MRTFB: variants seen among roughly 807,000 people sequenced by gnomAD.
The protein encoded by MRTFB is myocardin related transcription factor B.
A neutral mutation model predicts 104.2 loss-of-function variants in MRTFB; 29 were observed. The observed-to-expected ratio is 0.28, with a 90% CI of 0.21 to 0.38. The LOEUF (loss-of-function observed/expected upper bound fraction) is 0.38, where lower values mean the gene tolerates loss of function less well. Among genes scored for constraint, MRTFB ranks in the 10% least tolerant of loss-of-function variants. The pLI is 1.00. For missense variants in MRTFB, 1,270 were observed against 1,341.6 expected (o/e 0.95, Z 0.83); for synonymous variants, 535 against 519.5 (o/e 1.03, Z -0.41).
chr16:13,995,861 C>T, the MRTFB span, among the ~76,000 whole-genome samples: 1 of 152,138 alleles, frequency 6.6e-6, no homozygotes, highest in Non-Finnish European at 1.5e-5. Flanking sequence ...TCCCTCCAGA[C>T]CCCTCCCTCC....
chr16:14,081,527 C>A (rs1204577728), intron 2 of MRTFB, among the ~76,000 whole-genome samples: 1 of 152,128 alleles, frequency 6.6e-6, no homozygotes, highest in East Asian at 1.9e-4. Flanking sequence ...TCCTGACCTC[C>A]GATGATCCAC....
At chr16:14,038,472 C>T in the MRTFB span, among the ~76,000 whole-genome samples, 1 of 152,140 alleles carries the variant, frequency 6.6e-6, no homozygotes, top group African/African-American at 2.4e-5. Context: ...ATATCAAACA[C>T]AGAAACAGGT....
chr16:14,140,599 G>A lies in MRTFB; in HGVS notation c.-8G>A. The stretch of plus-strand genomic sequence containing the variant: ...CTTACACTCCCTGTTGCCAGTGGCT[G>A]GAACACAATGGATCACACAGGGGCG... On this transcript the variant is annotated 5_prime_UTR_variant, in exon 3 of 17. Coordinates refer to ENST00000571589, the MANE Select transcript of MRTFB (RefSeq NM_001308142.2). 1.9e-6 allele frequency: 3 copies of A among 1,614,062 alleles called. No individual in the cohort carries two copies. Among genetic ancestry groups the A allele is most frequent in the African/African-American group, 2.7e-5 (2 of 75,030 alleles).
chr16:14,162,564 A>G (rs548908438), intron 3 of MRTFB, among the ~76,000 whole-genome samples: 13 of 152,202 alleles, frequency 8.5e-5, no homozygotes, highest in Non-Finnish European at 1.6e-4. Flanking sequence ...AACATACTAC[A>G]ACTACTTGCA....
chr16:13,995,129 T>C, the MRTFB span, among the ~76,000 whole-genome samples: 1 of 152,188 alleles, frequency 6.6e-6, no homozygotes, highest in Non-Finnish European at 1.5e-5. Flanking sequence ...CAGCCCTTCG[T>C]TGGTTGATCT....
chr16:14,212,841 G>T (rs2041253508), intron 5 of MRTFB, among the ~76,000 whole-genome samples: 1 of 152,122 alleles, frequency 6.6e-6, no homozygotes, highest in African/African-American at 2.4e-5. Context: ...GGGGAAGATG[G>T]CTAAATCAGA....
At chr16:14,258,355 A>G (rs776701541) in intron 16 of MRTFB, among the ~76,000 whole-genome samples, 194 bp downstream of exon 16, 14 of 152,178 alleles carry the variant, frequency 9.2e-5, no homozygotes, top group Non-Finnish European at 1.6e-4. Flanking sequence ...GCTCACGTCT[A>G]TGATCCCAGC....
chr16:14,071,865 A>C (rs2033722158), intron 1 of MRTFB, among the ~76,000 whole-genome samples: 1 of 152,116 alleles, frequency 6.6e-6, no homozygotes, highest in Admixed American at 6.5e-5. Context: ...ACCAGGCTTC[A>C]GAGGGGGTGT....
chr16:14,075,022 G>C (rs2033951838), intron 1 of MRTFB, among the ~76,000 whole-genome samples: 1 of 152,092 alleles, frequency 6.6e-6, no homozygotes. Context: ...TGTGTTTTTT[G>C]TTTGTTTCCA....
intron 2 of MRTFB, among the ~76,000 whole-genome samples, chr16:14,102,394 A>T (rs2035751429): frequency 6.6e-6 from 1 of 152,060 alleles, no homozygotes; most frequent in Non-Finnish European, 1.5e-5. Flanking sequence ...TGATAATGAT[A>T]CCTTTCTTCC....
intron 1 of MRTFB, among the ~76,000 whole-genome samples, chr16:14,078,248 C>T (rs1345442334): frequency 2.0e-5 from 3 of 152,192 alleles, no homozygotes; most frequent in African/African-American, 7.2e-5. Context: ...TCATCCTGCA[C>T]ACCAAATAAT....
At chr16:14,211,842 C>T (rs2041201750) in intron 4 of MRTFB, among the ~76,000 whole-genome samples, 1 of 152,174 alleles carries the variant, frequency 6.6e-6, no homozygotes, top group Admixed American at 6.5e-5. Flanking sequence ...TTCTTTGAGC[C>T]TTTCACCTCC....
chr16:14,209,696 A>T (rs112395052), intron 3 of MRTFB, among the ~76,000 whole-genome samples: 2,564 of 152,304 alleles, frequency 0.017, 80 homozygotes, highest in African/African-American at 0.058. Context: ...AGTGAGATAC[A>T]TGGTATCATG....
At chr16:14,230,321 A>G (rs2042200917) in intron 8 of MRTFB, among the ~76,000 whole-genome samples, 1 of 152,228 alleles carries the variant, frequency 6.6e-6, no homozygotes, top group Non-Finnish European at 1.5e-5. Flanking sequence ...ACAGCAAAAG[A>G]AACTACCATC....
intron 2 of MRTFB, 110 bp from the exon 3 acceptor site, chr16:14,140,434 C>G: frequency 1.4e-6 from 1 of 700,736 alleles, no homozygotes. Flanking sequence ...ATTAGTATGA[C>G]CATACAGCAG....
chr16:14,187,107 T>C (rs1303684155), intron 3 of MRTFB: 3 of 1,267,834 alleles, frequency 2.4e-6, no homozygotes, highest in African/African-American at 3.0e-5. Flanking sequence ...CGTGTCTGTC[T>C]GTTACCATGC....
intron 2 of MRTFB, among the ~76,000 whole-genome samples, chr16:14,124,140 C>G (rs1483753300): frequency 6.6e-6 from 1 of 152,176 alleles, no homozygotes; most frequent in Non-Finnish European, 1.5e-5. Flanking sequence ...GCTGAAGTTG[C>G]TTATCAGCTT....
intron 3 of MRTFB, among the ~76,000 whole-genome samples, chr16:14,188,281 C>T (rs2040031605): frequency 6.6e-6 from 1 of 152,126 alleles, no homozygotes; most frequent in South Asian, 2.1e-4. Context: ...ACTTAAATTT[C>T]TTAAATCATT....
chr16:14,052,739 CA>C, the MRTFB span, among the ~76,000 whole-genome samples: 1,563 of 74,758 alleles, frequency 0.021, 25 homozygotes, highest in African/African-American at 0.043. Context: ...AACTCCATCT[CA>C]AAAAAAAAAA....
Sources: allele counts gnomAD v4.1 joint callset (sites outside exome capture counted in the v4.1 genomes callset), GRCh38; gene constraint gnomAD v4.1.1; transcripts MANE v1.5; gene names NCBI Gene and HGNC (gene_info 2026-07-23, HGNC 2026-07-21).